Variants in NT5DC2 observed in about 807,000 individuals in gnomAD.
The protein encoded by NT5DC2 is 5'-nucleotidase domain-containing protein 2.
NT5DC2 carries 41 observed loss-of-function variants against 70.0 expected under a neutral mutation model. That is an observed-to-expected ratio of 0.59 (90% CI 0.46 to 0.76). NT5DC2 has a LOEUF of 0.76. Ranked by LOEUF, NT5DC2 falls within the 30% of genes least tolerant of loss-of-function variation. The pLI is 0.00. For synonymous variants in NT5DC2, 299 were observed against 310.4 expected (o/e 0.96, Z 0.39); for missense variants, 705 against 783.2 (o/e 0.90, Z 1.19).
chr3:52,533,332 G>C (rs2079385559), intron 1 of NT5DC2, among the ~76,000 whole-genome samples, 174 bp downstream of exon 1: 1 of 151,986 alleles, frequency 6.6e-6, no homozygotes, highest in Non-Finnish European at 1.5e-5. Flanking sequence ...CGCCCCAGAG[G>C]CCCCCGGGAT....
chr3:52,532,597 G>C, intron 1 of NT5DC2: 1 of 749,142 alleles, frequency 1.3e-6, no homozygotes, highest in Non-Finnish European at 1.6e-6. Context: ...TCACCCCTGG[G>C]GGTTCCTCCG....
upstream of NT5DC2, chr3:52,534,267 G>C: frequency 1.8e-6 from 1 of 567,226 alleles, no homozygotes; most frequent in South Asian, 1.9e-5. Context: ...TAGTCCTGGT[G>C]CTCTCCTTTC....
At chr3:52,530,805 T>G (rs1289089043) in intron 1 of NT5DC2, among the ~76,000 whole-genome samples, 1 of 152,130 alleles carries the variant, frequency 6.6e-6, no homozygotes, top group Admixed American at 6.5e-5. Flanking sequence ...ATATGCAGGA[T>G]TAAATGGGTG....
Position 52,528,870 on chromosome 3 carries a change from G to A in NT5DC2, c.483C>T (p.Asp161=), listed in dbSNP as rs139119664. 3.6e-3 allele frequency: 5,829 copies of A among 1,614,026 alleles called. 16 individuals carry two copies. The highest frequency in any genetic ancestry group is 4.6e-3 in the Non-Finnish European group (5,370 of 1,179,948). Residue 161 remains aspartate (D), a synonymous_variant, in exon 3 of 14, where the codon GAC becomes GAT. Transcript: ENST00000422318. ...PSFAIRGLHY[D]IQKSLLMKID... ...AGGTCCAGCCACTCACCTTCTGAATGTCATAGTGGAGGCCACGGATGGCAA... is the reference window on the plus strand; with the variant it reads ...AGGTCCAGCCACTCACCTTCTGAATATCATAGTGGAGGCCACGGATGGCAA...
At chr3:52,527,435 C>A (rs572415439) in intron 9 of NT5DC2, 60 bp from the exon 10 acceptor site, 7 of 1,565,522 alleles carry the variant, frequency 4.5e-6, no homozygotes, top group Non-Finnish European at 6.1e-6. Flanking sequence ...GCCGGGCAAC[C>A]CCCATCCCTC....
chr3:52,528,457 A>C lies in NT5DC2; in HGVS notation c.631T>G (p.Phe211Val), dbSNP rs1342483091. Residue 211 changes from phenylalanine (F) to valine (V), a missense_variant, in exon 5 of 14, where the codon TTC becomes GTC. By Grantham distance (50) the Phe-to-Val change is conservative. Coordinates refer to ENST00000422318, the MANE Select transcript of NT5DC2 (RefSeq NM_001134231.2). ...GGGGTATGGAGTACCTTGCCATAGA[A>C]GCCACTCATCTGGTATAGTGGGATG... is the stretch of plus-strand genomic sequence containing the variant. ...QHIPLYQMSG[F>V]YGKGPSIKQF... 6.2e-7 allele frequency: 1 copy of C among 1,613,696 alleles called. No homozygotes were observed. The highest frequency in any genetic ancestry group is 1.7e-5 in the Admixed American group (1 of 60,012).
upstream of NT5DC2, chr3:52,534,791 G>T (rs116130989): frequency 3.8e-6 from 4 of 1,059,436 alleles, no homozygotes; most frequent in Admixed American, 2.3e-5. Context: ...AGGTGGCCGC[G>T]CTGTCTTTCA....
rs61419666 is a variant in NT5DC2, at chr3:52,525,162, G to C, written c.1206+47C>G. On this transcript the variant is annotated intron_variant, in intron 11 of 13. Transcript: ENST00000422318. ...CCAGTTGCTGGGGGCGGGGGGGGGG[G>C]GGTTTCCTGGCCCTCCCCCACTGCA... is the stretch of plus-strand genomic sequence containing the variant. The C allele has an allele frequency of 2.3e-4, 245 of 1,062,706 alleles. 2 individuals carry two copies. Among genetic ancestry groups the C allele is most frequent in the Non-Finnish European group, 2.8e-4 (207 of 741,726 alleles). The allele number at this position is 1,062,706 out of a possible 1,614,324, so 65.8% of individuals were successfully genotyped here. A position where few individuals can be genotyped will look rare whatever the true frequency, so the allele number is the denominator to read the frequency against.
chr3:52,527,876 G>C lies in NT5DC2; in HGVS notation c.888C>G (p.Ala296=), dbSNP rs1409328337. ...TGATGAGGAACAGCTGTTTCCCATGGGCCACCAGGCGGCTCAGGACAGCAA... is the reference window on the plus strand; with the variant it reads ...TGATGAGGAACAGCTGTTTCCCATGCGCCACCAGGCGGCTCAGGACAGCAA... The part of the protein sequence containing the change: ...ETFAVLSRLV[A]HGKQLFLITN... The change falls in exon 8 of 14, where the codon GCC becomes GCG. Residue 296 remains alanine (A), a synonymous_variant. Coordinates refer to ENST00000422318, the MANE Select transcript of NT5DC2 (RefSeq NM_001134231.2). 6.2e-7 allele frequency: 1 copy of C among 1,613,322 alleles called. No homozygotes were observed. The highest frequency in any genetic ancestry group is 1.3e-5 in the African/African-American group (1 of 74,928).
chr3:52,527,026 G>C (rs189796849), intron 10 of NT5DC2, among the ~76,000 whole-genome samples: 13 of 152,332 alleles, frequency 8.5e-5, no homozygotes, highest in Non-Finnish European at 1.5e-4. Flanking sequence ...CTCTTTTGCA[G>C]ACAAGGGAAG....
At position 52,528,198 on chromosome 3, in the gene NT5DC2, G is replaced by A; in HGVS notation, c.756C>T (p.Leu252=). 1 of 1,613,254 alleles carries A rather than the reference G, an allele frequency of 6.2e-7. No homozygotes were observed. The highest frequency in any genetic ancestry group is 8.5e-7 in the Non-Finnish European group (1 of 1,180,042). The change falls in exon 6 of 14, where the codon CTC becomes CTT. Residue 252 remains leucine, a synonymous_variant. Coordinates refer to ENST00000422318, the MANE Select transcript of NT5DC2 (RefSeq NM_001134231.2). ...GHSLEFDQAH[L]YKDVTDAIRD... ...GCATCCTCACCGTCACGTCCTTGTA[G>A]AGATGTGCTTGGTCAAACTCCAGGC... is the stretch of plus-strand genomic sequence containing the variant.
rs59078569 is a variant in NT5DC2, at chr3:52,531,186, G to A, written c.233-1852C>T. 0.043 allele frequency among the ~76,000 whole-genome samples: 6,563 copies of A among 152,338 alleles called. 408 individuals are homozygous for A. The highest frequency in any genetic ancestry group is 0.13 in the African/African-American group (5,584 of 41,566). On this transcript the variant is annotated intron_variant, in intron 1 of 13. Transcript: ENST00000422318. The surrounding 1 kb of genome is among the most constrained non-coding windows in gnomAD (Gnocchi z 4.1). ...TCCTTTGGAGCCAAGTTCAGGGTGT[G>A]GGTGGGGGATCAGGTGTGGCTGGTT...
intron 1 of NT5DC2, chr3:52,532,351 TTCTTA>T: frequency 2.0e-6 from 2 of 985,310 alleles, no homozygotes; most frequent in South Asian, 9.4e-5. Flanking sequence ...GAGCAAAGAC[TTCTTA>T]AATAACGCTG....
chr3:52,527,857 G>A lies in NT5DC2; in HGVS notation c.907C>T (p.Leu303Phe). 6.2e-7 allele frequency: 1 copy of A among 1,613,454 alleles called. No individual in the cohort carries two copies. The highest frequency in any genetic ancestry group is 1.1e-5 in the South Asian group (1 of 91,090). ...AAGCTGAAAGGACTGTTGGTGATGA[G>A]GAACAGCTGTTTCCCATGGGCCACC... ...RLVAHGKQLF[L>F]ITNSPFSFVD... The change falls in exon 8 of 14, where the codon CTC (leucine) becomes TTC (phenylalanine). Residue 303 changes from leucine (L) to phenylalanine (F), a missense_variant. Coordinates refer to ENST00000422318, the MANE Select transcript of NT5DC2 (RefSeq NM_001134231.2).
Position 52,533,652 on chromosome 3 carries a change from G to A in NT5DC2, c.86C>T (p.Pro29Leu), listed in dbSNP as rs1252116830. The change falls in exon 1 of 14, where the codon CCC (proline) becomes CTC (leucine). Residue 29 changes from proline to leucine, a missense_variant. Physicochemically the swap from Pro to Leu is moderately conservative, Grantham distance 98 (BLOSUM62 -3). Coordinates refer to ENST00000422318, the MANE Select transcript of NT5DC2 (RefSeq NM_001134231.2). ...HGGPRAASSSPSCPGCGPPGP... is the reference protein window; with the variant it reads ...HGGPRAASSSLSCPGCGPPGP... ...CGGGGGGCCGCACCCAGGGCAGGAG[G>A]GCGAGGACGAGGCGGCTCGCGGCCC... The A allele has an allele frequency of 2.5e-6, 3 of 1,176,486 alleles. No individual in the cohort carries two copies. Among genetic ancestry groups the A allele is most frequent in the Non-Finnish European group, 3.1e-6 (3 of 953,308 alleles). The allele number at this position is 1,176,486 out of a possible 1,614,324, so 72.9% of individuals were successfully genotyped here. A position where few individuals can be genotyped will look rare whatever the true frequency, so the allele number is the denominator to read the frequency against.
intron 1 of NT5DC2, chr3:52,532,522 CCT>C (rs2079374687): frequency 3.0e-6 from 3 of 984,642 alleles, no homozygotes; most frequent in South Asian, 9.4e-5. Flanking sequence ...AGTGAAAACC[CCT>C]GTCTAGCCAG....
chr3:52,533,441 G>A, intron 1 of NT5DC2, 65 bp downstream of exon 1: 1 of 1,440,244 alleles, frequency 6.9e-7, no homozygotes, highest in South Asian at 1.3e-5. Context: ...GCACCCTGGG[G>A]CTCGGTCCGT....
At position 52,529,106 on chromosome 3, in the gene NT5DC2, C is replaced by A. The variant is rs367999086; in HGVS notation, c.417+44G>T. On this transcript the variant is annotated intron_variant, in intron 2 of 13. Transcript: ENST00000422318. This position sits in a 1 kb window ranked among gnomAD's most constrained non-coding sequence, Gnocchi z 4.1. The stretch of plus-strand genomic sequence containing the variant: ...CTTAGGCCAAGGTGGGTCTGGCCAG[C>A]CTCCAAGCCCTGGGTTTGTTGGTGG... The A allele has an allele frequency of 2.0e-5, 33 of 1,611,790 alleles. No individual in the cohort carries two copies. The highest frequency in any genetic ancestry group is 1.7e-4 in the Middle Eastern group (1 of 6,050).
At chr3:52,524,905 G>A (rs1488627307) in intron 12 of NT5DC2, 24 bp from the exon 13 acceptor site, 10 of 1,611,846 alleles carry the variant, frequency 6.2e-6, no homozygotes, top group Non-Finnish European at 8.5e-7. Flanking sequence ...GTGTGCATTG[G>A]GTGTGTGCAC....
Sources: gnomAD v4.1 joint callset for allele counts (sites outside exome capture counted in the v4.1 genomes callset) on GRCh38, gnomAD v4.1.1 for gene constraint, Gnocchi (gnomAD v3.1) non-coding constraint, MANE v1.5 for transcripts, NCBI Gene and HGNC (gene_info 2026-07-23, HGNC 2026-07-21) for gene names.